Variants in GPC6 observed in about 807,000 individuals in gnomAD.
The protein encoded by GPC6 is glypican-6.
GPC6 carries 14 observed loss-of-function variants against 55.2 expected under a neutral mutation model. The observed-to-expected ratio is 0.25, with a 90% CI of 0.17 to 0.40. The LOEUF is 0.40. Ranked by LOEUF, GPC6 falls within the 10% of genes least tolerant of loss-of-function variation. The pLI is 1.00. For synonymous variants in GPC6, 278 were observed against 259.6 expected, an observed-to-expected ratio of 1.07 and a Z score of -0.68; for missense variants, 641 against 708.5, an observed-to-expected ratio of 0.90 and a Z score of 1.08.
At chr13:93,554,285 A>T (rs554208675) in intron 2 of GPC6, among the ~76,000 whole-genome samples, 1 of 152,202 alleles carries the variant, frequency 6.6e-6, no homozygotes, top group Non-Finnish European at 1.5e-5. Flanking sequence ...ACAGTAAATT[A>T]TACAGAGCAC....
intron 1 of GPC6, among the ~76,000 whole-genome samples, chr13:93,422,962 A>G (rs1270280033): frequency 1.3e-5 from 2 of 152,154 alleles, no homozygotes; most frequent in African/African-American, 4.8e-5. Flanking sequence ...TTGTGCTGAA[A>G]AGGAAATGTT....
intron 2 of GPC6, among the ~76,000 whole-genome samples, chr13:93,758,892 GATCT>G (rs985979446): frequency 2.0e-5 from 3 of 152,098 alleles, no homozygotes; most frequent in Admixed American, 6.6e-5. Flanking sequence ...GGCTCTCTAT[GATCT>G]ATCTGACTCC....
chr13:93,764,526 T>C (rs1885049140), intron 2 of GPC6, among the ~76,000 whole-genome samples: 1 of 151,972 alleles, frequency 6.6e-6, no homozygotes, highest in Non-Finnish European at 1.5e-5. Flanking sequence ...GGGATATTTT[T>C]TGTACCTTTT....
intron 6 of GPC6, among the ~76,000 whole-genome samples, chr13:94,329,758 TTCC>T (rs1283533401): frequency 6.6e-6 from 1 of 152,048 alleles, no homozygotes; most frequent in Non-Finnish European, 1.5e-5. Context: ...CCTCCTCCTC[TTCC>T]TCCTCCTCCT....
At chr13:94,375,322 A>G (rs2139198526) in intron 6 of GPC6, among the ~76,000 whole-genome samples, 1 of 152,316 alleles carries the variant, frequency 6.6e-6, no homozygotes, top group African/African-American at 2.4e-5. Flanking sequence ...TAAAGAAAAA[A>G]AGAGAGAAGA....
chr13:94,144,032 A>G (rs920344545), intron 4 of GPC6, among the ~76,000 whole-genome samples: 6 of 152,168 alleles, frequency 3.9e-5, no homozygotes, highest in African/African-American at 2.4e-5. Context: ...TAAACGTTTG[A>G]TTTTGTCCTA....
At chr13:93,483,319 A>G (rs556625323) in intron 1 of GPC6, among the ~76,000 whole-genome samples, 1 of 152,292 alleles carries the variant, frequency 6.6e-6, no homozygotes, top group East Asian at 1.9e-4. Flanking sequence ...GTTAACTGAT[A>G]TGATTACTAT....
chr13:93,259,370 A>T (rs1877060226), intron 1 of GPC6, among the ~76,000 whole-genome samples: 1 of 152,162 alleles, frequency 6.6e-6, no homozygotes, highest in Non-Finnish European at 1.5e-5. Context: ...AGGTACAAAA[A>T]GACAAGCAGA....
intron 4 of GPC6, among the ~76,000 whole-genome samples, chr13:94,218,835 C>G (rs1890298325): frequency 6.6e-6 from 1 of 152,170 alleles, no homozygotes; most frequent in Non-Finnish European, 1.5e-5. Context: ...CATTCTCAAC[C>G]TATTCCAATT....
intron 2 of GPC6, among the ~76,000 whole-genome samples, chr13:93,710,419 A>G (rs1057379304): frequency 6.6e-6 from 1 of 151,752 alleles, no homozygotes; most frequent in African/African-American, 2.4e-5. Flanking sequence ...TCATCCTGCC[A>G]AATCTGTCCA....
At chr13:93,395,226 C>A in intron 1 of GPC6, 1 of 378,982 alleles carries the variant, frequency 2.6e-6, no homozygotes, top group South Asian at 2.9e-5. Flanking sequence ...TCAAAGTTGT[C>A]ATTCCCACCA....
chr13:93,354,686 G>GA (rs1181384353), intron 1 of GPC6, among the ~76,000 whole-genome samples: 2 of 131,600 alleles, frequency 1.5e-5, no homozygotes, highest in African/African-American at 6.1e-5. Context: ...ATTTAAGGTA[G>GA]AAAAAAATCC....
chr13:93,954,488 T>C (rs1397293858), intron 3 of GPC6, among the ~76,000 whole-genome samples: 3 of 152,114 alleles, frequency 2.0e-5, no homozygotes, highest in Admixed American at 6.5e-5. Flanking sequence ...AGCTATTTTT[T>C]GTAGAGACAG....
chr13:94,207,510 G>A (rs1352094770), intron 4 of GPC6, among the ~76,000 whole-genome samples: 1 of 152,156 alleles, frequency 6.6e-6, no homozygotes, highest in African/African-American at 2.4e-5. Flanking sequence ...CCAAGATACA[G>A]TCACTTCTAT....
intron 4 of GPC6, among the ~76,000 whole-genome samples, chr13:94,180,155 T>C (rs9524354): frequency 0.099 from 15,050 of 152,014 alleles, 927 homozygotes; most frequent in East Asian, 0.19. Context: ...AGAGGCCTCA[T>C]TGAAAAGAGT....
chr13:94,133,458 G>C (rs1887077130), intron 4 of GPC6, among the ~76,000 whole-genome samples: 1 of 151,946 alleles, frequency 6.6e-6, no homozygotes, highest in African/African-American at 2.4e-5. Flanking sequence ...AACAAACAGG[G>C]AATGTATTCA....
chr13:93,829,593 A>G (rs921764217), intron 2 of GPC6, among the ~76,000 whole-genome samples: 2 of 152,202 alleles, frequency 1.3e-5, no homozygotes, highest in Non-Finnish European at 2.9e-5. Flanking sequence ...TAGCTTTATT[A>G]TGAAGTGAAT....
intron 2 of GPC6, among the ~76,000 whole-genome samples, chr13:93,591,544 A>G (rs942277047): frequency 7.2e-5 from 11 of 151,920 alleles, no homozygotes; most frequent in African/African-American, 2.4e-4. Flanking sequence ...TTTGCATTCC[A>G]TAATGACTAT....
chr13:93,410,020 T>C (rs1002981840), intron 1 of GPC6, among the ~76,000 whole-genome samples: 1 of 152,188 alleles, frequency 6.6e-6, no homozygotes, highest in Non-Finnish European at 1.5e-5. Context: ...CCCTGGAGAC[T>C]GGCCTACATC....
Sources: gnomAD v4.1 joint callset for allele counts (sites outside exome capture counted in the v4.1 genomes callset) on GRCh38, gnomAD v4.1.1 for gene constraint, MANE v1.5 for transcripts, NCBI Gene and HGNC (gene_info 2026-07-23, HGNC 2026-07-21) for gene names.